PLCB1: variants seen among roughly 807,000 people sequenced by gnomAD.
The protein encoded by PLCB1 is phospholipase C beta 1, also known as 1-phosphatidylinositol 4,5-bisphosphate phosphodiesterase beta-1.
In PLCB1, 46 loss-of-function variants were observed where a neutral mutation model predicts 161.8. The observed-to-expected ratio is 0.28, with a 90% CI of 0.22 to 0.36. PLCB1 has a LOEUF of 0.36. PLCB1 is among the 10% of genes least tolerant of loss of function. The pLI is 1.00. For missense variants in PLCB1, 1,016 were observed against 1,472.5 expected (o/e 0.69, Z 5.07); for synonymous variants, 517 against 503.7 (o/e 1.03, Z -0.35).
At chr20:8,568,373 T>C (rs986589816) in intron 3 of PLCB1, among the ~76,000 whole-genome samples, 1 of 152,162 alleles carries the variant, frequency 6.6e-6, no homozygotes, top group African/African-American at 2.4e-5. Context: ...TTGCAACATA[T>C]GCTGCCTTCA....
In PLCB1 at chr20:8,693,901, T is replaced by C. The variant is rs1490577640; in HGVS notation, c.1010-3725T>C. Reference sequence around the variant, plus strand: ...ATTATGAATTACTCTGAGAAGGAGCTTCAGCTCCCAAGTTCAATCATGGAC... The same window carrying C: ...ATTATGAATTACTCTGAGAAGGAGCCTCAGCTCCCAAGTTCAATCATGGAC... On this transcript the variant is annotated intron_variant, in intron 10 of 31. Transcript: ENST00000338037. 4.6e-5 allele frequency among the ~76,000 whole-genome samples: 7 copies of C among 152,184 alleles called. No individual in the cohort carries two copies. The East Asian group carries it at 1.3e-3, about 29-fold the overall frequency.
chr20:8,847,025 T>G (rs1986712977), intron 31 of PLCB1, among the ~76,000 whole-genome samples: 2 of 152,218 alleles, frequency 1.3e-5, no homozygotes, highest in Non-Finnish European at 2.9e-5. Context: ...AATACTGATG[T>G]TTTGGTCTCA....
At chr20:8,308,982 T>G (rs1389656613) in intron 2 of PLCB1, among the ~76,000 whole-genome samples, 4 of 152,146 alleles carry the variant, frequency 2.6e-5, no homozygotes, top group Non-Finnish European at 5.9e-5. Context: ...AGTTTTTTTT[T>G]TAAATGTGGA....
At chr20:8,738,876 C>T (rs1262970082) in intron 20 of PLCB1, among the ~76,000 whole-genome samples, 1 of 152,162 alleles carries the variant, frequency 6.6e-6, no homozygotes, top group Non-Finnish European at 1.5e-5. Flanking sequence ...CCTGGCCAGG[C>T]GCAGTGGCTC....
At position 8,217,492 on chromosome 20, in the gene PLCB1, G is replaced by A. The variant is rs563386351; in HGVS notation, c.177+67121G>A. ...AGCAGCACAGAGGCTTCCAGGTGGA[G>A]AGAAAGGTGTAGCTGTTCAATAATC... is the stretch of plus-strand genomic sequence containing the variant. On this transcript the variant is annotated intron_variant, in intron 2 of 31. Coordinates refer to ENST00000338037, the MANE Select transcript of PLCB1 (RefSeq NM_015192.4). 9.7e-4 allele frequency among the ~76,000 whole-genome samples: 147 copies of A among 152,252 alleles called. 1 individual carries two copies. Among genetic ancestry groups the A allele is most frequent in the African/African-American group, 3.4e-3 (142 of 41,564 alleles).
chr20:8,502,405 G>A (rs1983462353), intron 3 of PLCB1, among the ~76,000 whole-genome samples: 1 of 152,056 alleles, frequency 6.6e-6, no homozygotes, highest in Non-Finnish European at 1.5e-5. Context: ...AGCTGGACAT[G>A]TTTACAGCTT....
At chr20:8,620,913 T>C (rs571973896) in intron 3 of PLCB1, among the ~76,000 whole-genome samples, 1 of 152,238 alleles carries the variant, frequency 6.6e-6, no homozygotes, top group Non-Finnish European at 1.5e-5. Flanking sequence ...TTTTGATATG[T>C]TTGATTTTAA....
chr20:8,490,872 A>C (rs1390577713), intron 3 of PLCB1, among the ~76,000 whole-genome samples: 2 of 148,268 alleles, frequency 1.3e-5, no homozygotes, highest in African/African-American at 2.5e-5. Flanking sequence ...ATATATATAT[A>C]TATATGTACA....
chr20:8,697,065 A>C (rs1451368691), intron 10 of PLCB1, among the ~76,000 whole-genome samples: 1 of 152,190 alleles, frequency 6.6e-6, no homozygotes, highest in East Asian at 1.9e-4. Context: ...AGCACTTTTA[A>C]AAACAGAATG....
intron 31 of PLCB1, among the ~76,000 whole-genome samples, chr20:8,874,631 C>T (rs1270500789): frequency 6.6e-6 from 1 of 151,934 alleles, no homozygotes; most frequent in Admixed American, 6.6e-5. Context: ...ATGCCTGAAA[C>T]ATTTTCAAAT....
intron 23 of PLCB1, among the ~76,000 whole-genome samples, chr20:8,749,773 T>G (rs1332898379): frequency 6.6e-6 from 1 of 152,212 alleles, no homozygotes; most frequent in Non-Finnish European, 1.5e-5. Flanking sequence ...ACAAACTTGT[T>G]ACAGACAGCA....
chr20:8,870,481 C>A (rs1568631636), intron 31 of PLCB1, among the ~76,000 whole-genome samples: 1 of 152,142 alleles, frequency 6.6e-6, no homozygotes. Flanking sequence ...GAGTTTTCCT[C>A]TGTGGCGGTT....
At chr20:8,197,173 G>A (rs2052033921) in intron 2 of PLCB1, among the ~76,000 whole-genome samples, 2 of 152,008 alleles carry the variant, frequency 1.3e-5, no homozygotes, top group Non-Finnish European at 2.9e-5. Context: ...TATTCCTTTG[G>A]GTATATACCC....
chr20:8,758,242 A>C (rs578218445), intron 24 of PLCB1, among the ~76,000 whole-genome samples: 12 of 151,236 alleles, frequency 7.9e-5, no homozygotes, highest in African/African-American at 2.4e-4. Flanking sequence ...AAAAAAAAAA[A>C]ACCAATTATA....
intron 2 of PLCB1, among the ~76,000 whole-genome samples, chr20:8,295,049 A>G (rs1264918897): frequency 2.0e-5 from 3 of 152,190 alleles, no homozygotes; most frequent in African/African-American, 7.2e-5. Flanking sequence ...CATTATGTTC[A>G]AAGCAAACAT....
chr20:8,814,267 C>A (rs990955236), intron 31 of PLCB1, among the ~76,000 whole-genome samples: 1 of 152,160 alleles, frequency 6.6e-6, no homozygotes, highest in Non-Finnish European at 1.5e-5. Flanking sequence ...CATTATGCTT[C>A]TATCCTTGTT....
At chr20:8,726,090 TAAG>T (rs1216588172) in intron 16 of PLCB1, among the ~76,000 whole-genome samples, 1 of 152,036 alleles carries the variant, frequency 6.6e-6, no homozygotes, top group Admixed American at 6.6e-5. Flanking sequence ...TGGAAATCAT[TAAG>T]AAGAACGAGG....
At chr20:8,299,138 A>AAATGTCTTTTCT (rs1983775252) in intron 2 of PLCB1, among the ~76,000 whole-genome samples, 1 of 152,106 alleles carries the variant, frequency 6.6e-6, no homozygotes, top group Non-Finnish European at 1.5e-5. Context: ...TGTACTTCCC[A>AAATGTCTTTTCT]TGCTGCATCA....
At chr20:8,468,673 T>C (rs1317568712) in intron 3 of PLCB1, among the ~76,000 whole-genome samples, 1 of 152,182 alleles carries the variant, frequency 6.6e-6, no homozygotes, top group Non-Finnish European at 1.5e-5. Context: ...ATACATCAAA[T>C]GGTATGTTTT....
Sources: gnomAD v4.1 joint callset for allele counts (sites outside exome capture counted in the v4.1 genomes callset) on GRCh38, gnomAD v4.1.1 for gene constraint, MANE v1.5 for transcripts, NCBI Gene and HGNC (gene_info 2026-07-23, HGNC 2026-07-21) for gene names.